The following CDH20 variants were observed in gnomAD, a reference collection of about 807,000 sequenced individuals.
The protein encoded by CDH20 is cadherin 20, also known as cadherin-20.
Under a neutral mutation model 74.2 loss-of-function variants are expected in CDH20, and 29 were observed. That is an observed-to-expected ratio of 0.39 (90% CI 0.29 to 0.53). The LOEUF is 0.53. CDH20 is among the 20% of genes least tolerant of loss of function. The pLI, the probability that CDH20 is intolerant of heterozygous loss-of-function variation, is 0.69. For synonymous variants in CDH20, 469 were observed against 405.4 expected, an observed-to-expected ratio of 1.16 and a Z score of -1.88; for missense variants, 988 against 1,048.3, an observed-to-expected ratio of 0.94 and a Z score of 0.79.
At chr18:61,544,997 A>T (rs759401995) in intron 9 of CDH20, 30 bp from the exon 10 acceptor site, 1 of 1,480,024 alleles carries the variant, frequency 6.8e-7, no homozygotes, top group South Asian at 1.1e-5. Context: ...CTTTGGCTCC[A>T]ACTCACCTGA....
chr18:61,335,936 G>A (rs894600647), intron 1 of CDH20, among the ~76,000 whole-genome samples: 2 of 152,148 alleles, frequency 1.3e-5, no homozygotes, highest in Non-Finnish European at 2.9e-5. Context: ...TTTCGTTTGG[G>A]GAGAGTTGCC....
At chr18:61,372,125 TA>T (rs1037572366) in intron 1 of CDH20, among the ~76,000 whole-genome samples, 1 of 151,538 alleles carries the variant, frequency 6.6e-6, no homozygotes, top group East Asian at 1.9e-4. Flanking sequence ...GCACACTAAA[TA>T]AAAGTTATTT....
At chr18:61,366,931 G>A (rs1207959612) in intron 1 of CDH20, among the ~76,000 whole-genome samples, 5 of 152,200 alleles carry the variant, frequency 3.3e-5, no homozygotes, top group Non-Finnish European at 2.9e-5. Flanking sequence ...GAGAATATAC[G>A]ATGAATATAT....
intron 1 of CDH20, among the ~76,000 whole-genome samples, chr18:61,445,224 T>C (rs954749881): frequency 5.9e-5 from 9 of 152,198 alleles, no homozygotes; most frequent in African/African-American, 2.2e-4. Context: ...GCCTACCATG[T>C]GCTGGTCACT....
intron 1 of CDH20, among the ~76,000 whole-genome samples, chr18:61,373,762 G>A (rs1911119893): frequency 6.6e-6 from 1 of 152,102 alleles, no homozygotes; most frequent in Non-Finnish European, 1.5e-5. Flanking sequence ...GGGACCAACT[G>A]AGACCCCACC....
intron 1 of CDH20, among the ~76,000 whole-genome samples, chr18:61,397,261 T>C (rs565250070): frequency 1.3e-5 from 2 of 152,004 alleles, no homozygotes; most frequent in East Asian, 3.9e-4. Flanking sequence ...TCACCCAACC[T>C]CCCCATACTG....
At chr18:61,394,762 TA>T (rs1235333391) in intron 1 of CDH20, among the ~76,000 whole-genome samples, 1 of 152,054 alleles carries the variant, frequency 6.6e-6, no homozygotes, top group Admixed American at 6.6e-5. Flanking sequence ...CCATGGTGTT[TA>T]CCAATGTCGC....
rs1911658081 is a variant in CDH20, at chr18:61,508,461, A to G, written c.1017+901A>G. Among the ~76,000 whole-genome samples, 3 of 152,292 alleles carry G rather than the reference A, an allele frequency of 2.0e-5. No homozygotes were observed. In the South Asian group the frequency reaches 6.2e-4, roughly 32 times the overall value. On this transcript the variant is annotated intron_variant, in intron 6 of 11. Transcript: ENST00000262717. ...ACAGAACACAATAAGTGAGGCCAGG[A>G]AAGCTAAGATGATTTCAAACTTAAA...
At chr18:61,449,850 A>T (rs9945340) in intron 1 of CDH20, among the ~76,000 whole-genome samples, 3,620 of 152,150 alleles carry the variant, frequency 0.024, 142 homozygotes, top group African/African-American at 0.082. Flanking sequence ...ATGAAAATCA[A>T]GAGTCTTGCA....
At chr18:61,444,687 C>G (rs551726902) in intron 1 of CDH20, among the ~76,000 whole-genome samples, 9 of 152,326 alleles carry the variant, frequency 5.9e-5, no homozygotes, top group African/African-American at 2.2e-4. Context: ...TTAGAGGACA[C>G]AGCAAACTAC....
intron 6 of CDH20, among the ~76,000 whole-genome samples, chr18:61,520,517 T>C (rs929366839): frequency 4.0e-5 from 6 of 150,804 alleles, no homozygotes; most frequent in African/African-American, 1.5e-4. Flanking sequence ...ACTGTCAATA[T>C]TAGTCAGATC....
intron 1 of CDH20, among the ~76,000 whole-genome samples, chr18:61,453,705 A>C (rs750090205): frequency 6.6e-6 from 1 of 152,052 alleles, no homozygotes; most frequent in Non-Finnish European, 1.5e-5. Context: ...TTATCCTTTC[A>C]CTCACTGAAG....
chr18:61,554,694 G>T lies in CDH20; in HGVS notation c.2405G>T (p.Ter802LeuextTer53), dbSNP rs1189101544. The part of the protein sequence containing the change: ...GASEGPAPLW[*>L] ...TCGGAGGGACCCGCGCCGCTGTGGT[G>T]ACGGAAGCCAGGAGGCAGGCGCGCG... The change falls in exon 12 of 12, where the codon TGA (stop) becomes TTA (leucine). Residue 802 changes from the stop codon to leucine, a stop_lost. Coordinates refer to ENST00000262717, the MANE Select transcript of CDH20 (RefSeq NM_031891.4). 6 of 1,560,292 alleles carry T rather than the reference G, an allele frequency of 3.8e-6. No homozygotes were observed. The highest frequency in any genetic ancestry group is 1.8e-5 in the Admixed American group (1 of 55,144).
In CDH20 at chr18:61,540,728, T is replaced by C. The variant is rs564012086; in HGVS notation, c.1530+1583T>C. Among the ~76,000 whole-genome samples, 3 of 152,312 alleles carry C rather than the reference T, an allele frequency of 2.0e-5. No homozygotes were observed. In the East Asian group the frequency reaches 5.8e-4, roughly 29 times the overall value. On this transcript the variant is annotated intron_variant, in intron 9 of 11. Transcript: ENST00000262717. ...ATATCACTTCACTTCTCTCACTCCC[T>C]GGGAGTAGTACCTCCAGCATCTTGC...
intron 1 of CDH20, among the ~76,000 whole-genome samples, chr18:61,485,971 G>A (rs1910747668): frequency 6.6e-6 from 1 of 152,162 alleles, no homozygotes; most frequent in African/African-American, 2.4e-5. Context: ...TACTCGGGAG[G>A]CTGAGGCAGG....
At chr18:61,500,711 T>C (rs966834798) in intron 4 of CDH20, among the ~76,000 whole-genome samples, 1 of 151,984 alleles carries the variant, frequency 6.6e-6, no homozygotes, top group African/African-American at 2.4e-5. Flanking sequence ...CAGTGTCTGA[T>C]TGGAGAGGCA....
In CDH20 at chr18:61,528,056, A is replaced by G. The variant is rs767929567; in HGVS notation, c.1107A>G (p.Pro369=). 1.7e-5 allele frequency: 27 copies of G among 1,614,008 alleles called. No individual in the cohort carries two copies. The highest frequency in any genetic ancestry group is 2.3e-5 in the Non-Finnish European group (27 of 1,180,026). Residue 369 remains proline, a synonymous_variant, in exon 7 of 12, where the codon CCA becomes CCG. Coordinates refer to ENST00000262717, the MANE Select transcript of CDH20 (RefSeq NM_031891.4). ...HLEMRFLNLG[P]FQDTTTVHIS... ...AGATGCGTTTTCTGAACTTGGGCCC[A>G]TTTCAGGACACAACAACAGTGCACA...
At chr18:61,459,887 T>TA (rs1909711100) in intron 1 of CDH20, among the ~76,000 whole-genome samples, 1 of 152,190 alleles carries the variant, frequency 6.6e-6, no homozygotes, top group Non-Finnish European at 1.5e-5. Flanking sequence ...TGAAAGGCTG[T>TA]AACTCTTCAA....
At chr18:61,403,908 G>T (rs1387257955) in intron 1 of CDH20, among the ~76,000 whole-genome samples, 1 of 152,174 alleles carries the variant, frequency 6.6e-6, no homozygotes, top group Admixed American at 6.5e-5. Context: ...GCCATAAAAA[G>T]GGATGAGATC....
Sources: allele counts gnomAD v4.1 joint callset (sites outside exome capture counted in the v4.1 genomes callset), GRCh38; gene constraint gnomAD v4.1.1; transcripts MANE v1.5; gene names NCBI Gene and HGNC (gene_info 2026-07-23, HGNC 2026-07-21).